RBBP8: variants seen among roughly 807,000 people sequenced by gnomAD.
RBBP8 encodes RB binding protein 8, endonuclease, also known as DNA endonuclease RBBP8.
RBBP8 carries 88 observed loss-of-function variants against 108.3 expected under a neutral mutation model. That is an observed-to-expected ratio of 0.81 (90% CI 0.68 to 0.97). The LOEUF (loss-of-function observed/expected upper bound fraction) is 0.97, where lower values mean the gene tolerates loss of function less well. RBBP8 is among the 50% of genes least tolerant of loss of function. RBBP8 has a pLI of 0.00. For synonymous variants in RBBP8, 332 were observed against 348.2 expected, an observed-to-expected ratio of 0.95 and a Z score of 0.52; for missense variants, 1,023 against 1,049.0, an observed-to-expected ratio of 0.98 and a Z score of 0.34.
At chr18:22,918,729 C>T (rs1484382737) in intron 3 of RBBP8, among the ~76,000 whole-genome samples, 1 of 152,092 alleles carries the variant, frequency 6.6e-6, no homozygotes. Flanking sequence ...CAGGTTTAGC[C>T]TCCCATGTAG....
chr18:22,968,992 G>T (rs930455887), intron 5 of RBBP8, 74 bp downstream of exon 5: 1 of 1,080,274 alleles, frequency 9.3e-7, no homozygotes, highest in Non-Finnish European at 1.4e-6. Context: ...TAAATTGGTT[G>T]TAATTAAATG....
intron 14 of RBBP8, among the ~76,000 whole-genome samples, chr18:23,000,801 A>G (rs1442525440): frequency 6.6e-6 from 1 of 152,126 alleles, no homozygotes; most frequent in Non-Finnish European, 1.5e-5. Context: ...GCCTTTGTAA[A>G]TGTACAGTAA....
rs139245743 is a variant in RBBP8, at chr18:22,917,866, T to C, written c.-154+840T>C. Reference sequence around the variant, plus strand: ...ATACAAAAATTAGCCAGTGTGGTGGTGCGTGCCTGTAGTCCCAGCTACTCG... The same window carrying C: ...ATACAAAAATTAGCCAGTGTGGTGGCGCGTGCCTGTAGTCCCAGCTACTCG... On this transcript the variant is annotated intron_variant, in intron 3 of 4. Transcript: ENST00000577588. 4.7e-3 allele frequency among the ~76,000 whole-genome samples: 708 copies of C among 151,798 alleles called. 2 individuals carry two copies. The highest frequency in any genetic ancestry group is 7.3e-3 in the Non-Finnish European group (496 of 67,900).
intron 2 of RBBP8, among the ~76,000 whole-genome samples, chr18:22,945,433 G>A (rs1307345215): frequency 1.3e-5 from 2 of 151,192 alleles, no homozygotes; most frequent in Non-Finnish European, 2.9e-5. Flanking sequence ...TGTTGCCCAC[G>A]CTGGAGTGCA....
rs911254145 is a variant in RBBP8 at position 22,953,118 on chromosome 18, T to C, written c.248+3405T>C. 3.3e-5 allele frequency among the ~76,000 whole-genome samples: 5 copies of C among 152,228 alleles called. No homozygotes were observed. The East Asian group carries it at 7.7e-4, about 23-fold the overall frequency. ...GAGAGCTGTCAGACCCTCATGCCTC[T>C]AACTCTGTGAAGAAGAGAGGGAAGA... On this transcript the variant is annotated intron_variant, in intron 4 of 18. Coordinates refer to ENST00000327155, the MANE Select transcript of RBBP8 (RefSeq NM_002894.3).
chr18:22,997,327 T>A (rs879771352), intron 13 of RBBP8, among the ~76,000 whole-genome samples: 1 of 152,196 alleles, frequency 6.6e-6, no homozygotes, highest in Non-Finnish European at 1.5e-5. Context: ...ATAAGGCAAA[T>A]TGGAAAATAA....
chr18:22,995,780 A>T (rs2045846167), intron 12 of RBBP8, among the ~76,000 whole-genome samples: 1 of 152,166 alleles, frequency 6.6e-6, no homozygotes, highest in Admixed American at 6.5e-5. Context: ...AGTATACCAT[A>T]TTTTAGGTAT....
chr18:22,927,068 G>A (rs1291773241), intron 3 of RBBP8, among the ~76,000 whole-genome samples: 2 of 152,150 alleles, frequency 1.3e-5, no homozygotes, highest in Non-Finnish European at 2.9e-5. Flanking sequence ...TGAATCAAGT[G>A]TTCATTCAAG....
In RBBP8 at chr18:22,993,161, C is replaced by A; in HGVS notation, c.1334C>A (p.Ser445Tyr). 1 of 1,614,084 alleles carries A rather than the reference C, an allele frequency of 6.2e-7. No individual in the cohort carries two copies. The change falls in exon 11 of 19, where the codon TCC (serine) becomes TAC (tyrosine). Residue 445 changes from serine (S) to tyrosine (Y), a missense_variant. Transcript: ENST00000327155. ...EPLKSLGGRT[S>Y]KRKKTEEESE... ...CTGAAATCATTGGGAGGCCGAACAT[C>A]CAAAAGGAAGAAAACTGAGGAAGAA... is the stretch of plus-strand genomic sequence containing the variant.
At chr18:22,973,242 A>G (rs568149210) in intron 5 of RBBP8, among the ~76,000 whole-genome samples, 11 of 152,140 alleles carry the variant, frequency 7.2e-5, no homozygotes, top group Non-Finnish European at 1.6e-4. Flanking sequence ...ATTGGATTTT[A>G]CCATCAATCT....
At chr18:22,932,681 C>G (rs1327407026), upstream of RBBP8, among the ~76,000 whole-genome samples, 1 of 152,150 alleles carries the variant, frequency 6.6e-6, no homozygotes, top group Non-Finnish European at 1.5e-5. Flanking sequence ...GGTCTAAAAA[C>G]GATTCTTTTA....
intron 5 of RBBP8, among the ~76,000 whole-genome samples, chr18:22,970,698 G>T (rs1480511887): frequency 1.3e-5 from 2 of 151,856 alleles, no homozygotes; most frequent in South Asian, 2.1e-4. Flanking sequence ...TTTATTCTTT[G>T]CCCAGTCTTA....
At chr18:22,934,517 CTTTAT>C (rs906400148) in intron 1 of RBBP8, among the ~76,000 whole-genome samples, 19 of 150,528 alleles carry the variant, frequency 1.3e-4, no homozygotes, top group South Asian at 4.2e-4. Flanking sequence ...GGTATTTTTT[CTTTAT>C]TTTATTATTA....
At chr18:22,958,699 C>G (rs1280637196) in intron 4 of RBBP8, among the ~76,000 whole-genome samples, 3 of 152,218 alleles carry the variant, frequency 2.0e-5, no homozygotes, top group Non-Finnish European at 2.9e-5. Context: ...TAACACTACA[C>G]CTGACTAATT....
chr18:23,015,977 T>A (rs1401357240), intron 16 of RBBP8, among the ~76,000 whole-genome samples: 2 of 152,168 alleles, frequency 1.3e-5, no homozygotes. Flanking sequence ...TGGCATAGTC[T>A]CAGCTCGCTG....
intron 14 of RBBP8, among the ~76,000 whole-genome samples, chr18:22,998,564 G>A (rs181236745): frequency 1.6e-3 from 250 of 152,354 alleles, no homozygotes; most frequent in African/African-American, 5.6e-3. Flanking sequence ...ATTGAAGAGC[G>A]AGGGCCTGCC....
Position 22,936,761 on chromosome 18 carries a change from A to G in RBBP8, c.-91A>G. ...TGCAATCTGTCATTTCAGGTATTTG[A>G]CCTGTCCAAAGACGACTTGATACCT... On this transcript the variant is annotated 5_prime_UTR_variant, in exon 2 of 19. Coordinates refer to ENST00000327155, the MANE Select transcript of RBBP8 (RefSeq NM_002894.3). 9 of 1,425,514 alleles carry G rather than the reference A, an allele frequency of 6.3e-6. No individual in the cohort carries two copies. In the South Asian group the frequency reaches 8.1e-5, roughly 13 times the overall value. The allele number at this position is 1,425,514 out of a possible 1,614,324, so 88.3% of individuals were successfully genotyped here.
chr18:22,962,258 T>G (rs902067063), intron 4 of RBBP8, among the ~76,000 whole-genome samples: 1 of 152,162 alleles, frequency 6.6e-6, no homozygotes, highest in African/African-American at 2.4e-5. Flanking sequence ...GATTTTCCTC[T>G]TTGCTTTACT....
At chr18:23,022,673 A>AAAAAAATAAAAT (rs1476972736) in intron 18 of RBBP8, among the ~76,000 whole-genome samples, 1 of 130,930 alleles carries the variant, frequency 7.6e-6, no homozygotes, top group African/African-American at 2.7e-5. Context: ...TAAAATAAAT[A>AAAAAAATAAAAT]ACTGTATATG....
Sources: allele counts gnomAD v4.1 joint callset (sites outside exome capture counted in the v4.1 genomes callset), GRCh38; gene constraint gnomAD v4.1.1; transcripts MANE v1.5; gene names NCBI Gene and HGNC (gene_info 2026-07-23, HGNC 2026-07-21).